The following SKAP2 variants were observed in gnomAD, a reference collection of about 807,000 sequenced individuals.
SKAP2 encodes src kinase-associated phosphoprotein 2.
In SKAP2, 28 loss-of-function variants were observed where a neutral mutation model predicts 54.9. The observed-to-expected ratio is 0.51, with a 90% CI of 0.38 to 0.70. The LOEUF (loss-of-function observed/expected upper bound fraction) is 0.70, where lower values mean the gene tolerates loss of function less well. Among genes scored for constraint, SKAP2 ranks in the 30% least tolerant of loss-of-function variants. The pLI is 0.00. For missense variants in SKAP2, 356 were observed against 424.1 expected, an observed-to-expected ratio of 0.84 and a Z score of 1.41; for synonymous variants, 137 against 134.3, an observed-to-expected ratio of 1.02 and a Z score of -0.14.
chr7:26,673,258 A>G lies in SKAP2; in HGVS notation c.988-3066T>C, dbSNP rs73683499. The stretch of plus-strand genomic sequence containing the variant: ...GCCATCTGGTATCCTTCACCTATTC[A>G]GCTCTTAACATCAGCTGAAATGCTA... On this transcript the variant is annotated intron_variant, in intron 11 of 12. Coordinates refer to ENST00000345317, the MANE Select transcript of SKAP2 (RefSeq NM_003930.5). Among the ~76,000 whole-genome samples the G allele has an allele frequency of 8.6e-3, 1,316 of 152,190 alleles. 14 individuals are homozygous for G. Among genetic ancestry groups the G allele is most frequent in the African/African-American group, 0.03 (1,257 of 41,562 alleles).
chr7:26,854,356 T>A (rs954768186), intron 2 of SKAP2, among the ~76,000 whole-genome samples, 194 bp from the exon 3 acceptor site: 1 of 152,088 alleles, frequency 6.6e-6, no homozygotes, highest in Non-Finnish European at 1.5e-5. Flanking sequence ...TTTAAGGATC[T>A]AAGTACAGTA....
chr7:26,796,009 G>T (rs568938772), intron 4 of SKAP2, among the ~76,000 whole-genome samples: 102 of 152,152 alleles, frequency 6.7e-4, no homozygotes, highest in African/African-American at 2.1e-3. Context: ...GACCTGCATG[G>T]CCTAGAAATA....
chr7:26,727,725 A>T (rs1787737963), intron 6 of SKAP2, among the ~76,000 whole-genome samples: 1 of 152,170 alleles, frequency 6.6e-6, no homozygotes, highest in Non-Finnish European at 1.5e-5. Context: ...CTTTGGTCAG[A>T]TATTATTTTA....
downstream of SKAP2, among the ~76,000 whole-genome samples, chr7:26,663,471 T>G (rs1023134766): frequency 2.0e-5 from 3 of 152,222 alleles, no homozygotes; most frequent in African/African-American, 7.2e-5. Flanking sequence ...AATAAGACCT[T>G]GTACGTACTT....
chr7:26,686,893 G>A (rs913657203), intron 10 of SKAP2, among the ~76,000 whole-genome samples: 23 of 152,212 alleles, frequency 1.5e-4, no homozygotes, highest in African/African-American at 4.1e-4. Context: ...TTTAGTCTGC[G>A]TTCCCCATGC....
chr7:26,774,166 A>G (rs1267144833), intron 4 of SKAP2, among the ~76,000 whole-genome samples: 1 of 152,136 alleles, frequency 6.6e-6, no homozygotes, highest in East Asian at 1.9e-4. Context: ...TACAAAAATT[A>G]GCTGGTAGTG....
At chr7:26,721,182 G>C (rs1165909319) in intron 9 of SKAP2, among the ~76,000 whole-genome samples, 1 of 152,142 alleles carries the variant, frequency 6.6e-6, no homozygotes, top group Non-Finnish European at 1.5e-5. Flanking sequence ...TTAAAACAAT[G>C]TTAATACCAC....
chr7:26,798,357 G>A (rs1447658114), intron 4 of SKAP2, among the ~76,000 whole-genome samples: 2 of 150,200 alleles, frequency 1.3e-5, no homozygotes, highest in African/African-American at 4.9e-5. Context: ...ATATGAAGGA[G>A]AAACCAAAAA....
chr7:26,739,831 T>C (rs1378653471), intron 5 of SKAP2, 56 bp downstream of exon 5: 11 of 1,249,258 alleles, frequency 8.8e-6, no homozygotes. Context: ...ACTACAAACA[T>C]GTTCTATCTA....
rs573675117 is a variant in SKAP2, at chr7:26,672,831, C to CTATA, written c.988-2643_988-2640dup. On this transcript the variant is annotated intron_variant, in intron 11 of 12. Coordinates refer to ENST00000345317, the MANE Select transcript of SKAP2 (RefSeq NM_003930.5). The stretch of plus-strand genomic sequence containing the variant: ...GAATCCCAATTAAACCATTTGCAGC[C>CTATA]TATAAATTGGAATGAAAATGCTTCT... Among the ~76,000 whole-genome samples the CTATA allele has an allele frequency of 1.6e-4, 24 of 152,038 alleles. No homozygotes were observed. In the South Asian group the frequency reaches 2.7e-3, roughly 17 times the overall value.
At chr7:26,672,549 A>G (rs978968757) in intron 11 of SKAP2, among the ~76,000 whole-genome samples, 9 of 152,076 alleles carry the variant, frequency 5.9e-5, no homozygotes, top group African/African-American at 2.2e-4. Flanking sequence ...TACACTTGAT[A>G]AAAATACTCT....
rs1158835085 is a variant in SKAP2 at position 26,669,595 on chromosome 7, C to T, written c.*71G>A. 11 of 152,148 alleles carry T rather than the reference C, an allele frequency of 7.2e-5. No homozygotes were observed. Among genetic ancestry groups the T allele is most frequent in the Admixed American group, 7.2e-4 (11 of 15,264 alleles). 9.4% of individuals were successfully genotyped at this position (152,148 alleles called of 1,614,324 possible). A position where few individuals can be genotyped will look rare whatever the true frequency, so the allele number is the denominator to read the frequency against. ...CAAGGAGAGGTTAGGAGCTGTCACT[C>T]GTGCTTTCATGACGCTTCTAAATCC... On this transcript the variant is annotated 3_prime_UTR_variant, in exon 13 of 13. Transcript: ENST00000345317.
At chr7:26,701,013 G>T (rs1011739045) in intron 9 of SKAP2, among the ~76,000 whole-genome samples, 2 of 152,138 alleles carry the variant, frequency 1.3e-5, no homozygotes, top group Non-Finnish European at 2.9e-5. Context: ...TCTCCCCTTT[G>T]TGTTCTCACA....
chr7:26,820,169 G>A (rs1784360582), intron 4 of SKAP2, among the ~76,000 whole-genome samples: 1 of 152,048 alleles, frequency 6.6e-6, no homozygotes, highest in African/African-American at 2.4e-5. Flanking sequence ...TCCAGCCTGG[G>A]CAATATTGTG....
intron 4 of SKAP2, among the ~76,000 whole-genome samples, chr7:26,802,616 C>A (rs903875403): frequency 6.6e-6 from 1 of 152,044 alleles, no homozygotes; most frequent in South Asian, 2.1e-4. Context: ...GGTGCAGTAG[C>A]ACACGCCTGT....
At chr7:26,750,239 T>G (rs1461989527) in intron 4 of SKAP2, among the ~76,000 whole-genome samples, 1 of 151,852 alleles carries the variant, frequency 6.6e-6, no homozygotes, top group Non-Finnish European at 1.5e-5. Context: ...TCCCTAAGTG[T>G]AACATGATAT....
rs1167042184 is a variant in SKAP2, at chr7:26,669,172, T to G, written c.*494A>C. 6.6e-6 allele frequency: 1 copy of G among 152,198 alleles called. No individual in the cohort carries two copies. Among genetic ancestry groups the G allele is most frequent in the African/African-American group, 2.4e-5 (1 of 41,446 alleles). 9.4% of individuals were successfully genotyped at this position (152,198 alleles called of 1,614,324 possible). On this transcript the variant is annotated 3_prime_UTR_variant, in exon 13 of 13. Transcript: ENST00000345317. ...AGTTATCTATAAAGTTTGAACATTC[T>G]TTAGCATTCTTTGTTTAGCAACCAC... is the stretch of plus-strand genomic sequence containing the variant.
intron 8 of SKAP2, 54 bp downstream of exon 8, chr7:26,725,869 T>C: frequency 7.1e-7 from 1 of 1,411,892 alleles, no homozygotes; most frequent in Non-Finnish European, 9.9e-7. Flanking sequence ...CCCAAACTAC[T>C]CTGTTATTTA....
intron 4 of SKAP2, among the ~76,000 whole-genome samples, chr7:26,760,263 G>A (rs1014867624): frequency 2.6e-5 from 4 of 152,088 alleles, no homozygotes; most frequent in African/African-American, 9.7e-5. Flanking sequence ...GCAAATTCAT[G>A]TCAAAGTAAT....
Sources: allele counts gnomAD v4.1 joint callset (sites outside exome capture counted in the v4.1 genomes callset), GRCh38; gene constraint gnomAD v4.1.1; transcripts MANE v1.5; gene names NCBI Gene and HGNC (gene_info 2026-07-23, HGNC 2026-07-21).